The following TANC1 variants were observed in gnomAD, a reference collection of about 807,000 sequenced individuals.
TANC1 encodes tetratricopeptide repeat, ankyrin repeat and coiled-coil containing 1.
TANC1 carries 77 observed loss-of-function variants against 149.7 expected under a neutral mutation model. The observed-to-expected ratio is 0.51, with a 90% CI of 0.43 to 0.62. The LOEUF (loss-of-function observed/expected upper bound fraction) is 0.62, where lower values mean the gene tolerates loss of function less well. Ranked by LOEUF, TANC1 falls within the 20% of genes least tolerant of loss-of-function variation. The pLI is 0.00. For missense variants in TANC1, 1,985 were observed against 2,321.8 expected (o/e 0.85, Z 2.98); for synonymous variants, 854 against 925.0 (o/e 0.92, Z 1.39).
At chr2:159,016,574 A>ATTTTTTTTTTTTTT (rs199579067) in intron 2 of TANC1, among the ~76,000 whole-genome samples, 1 of 147,488 alleles carries the variant, frequency 6.8e-6, no homozygotes, top group Admixed American at 6.8e-5. Flanking sequence ...CTTGGTCAAA[A>ATTTTTTTTTTTTTT]TTTTTTGTTT....
Position 158,986,136 on chromosome 2 carries a change from C to CA in TANC1, c.-125-14942dup, listed in dbSNP as rs1481749103. 2.0e-5 allele frequency among the ~76,000 whole-genome samples: 3 copies of CA among 152,272 alleles called. No homozygotes were observed. In the South Asian group the frequency reaches 6.2e-4, roughly 32 times the overall value. On this transcript the variant is annotated intron_variant, in intron 1 of 26. Transcript: ENST00000263635. Reference sequence around the variant, plus strand: ...TGGGTTGGTCTGTTGGATCCTAGTGCAAGAGCTCAGTCCAAATCAGTGGCT... The same window carrying CA: ...TGGGTTGGTCTGTTGGATCCTAGTGCAAAGAGCTCAGTCCAAATCAGTGGCT...
rs58015346 is a variant in TANC1 at position 159,051,651 on chromosome 2, T to TTGTGTGTGTGTGTG, written c.-15-14219_-15-14206dup. ...ATTCAAAATTTAGTTGAAGTGGTGT[T>TTGTGTGTGTGTGTG]TGTGTGTGTGTGTGTGTGTGTGTGT... On this transcript the variant is annotated intron_variant, in intron 2 of 26. Coordinates refer to ENST00000263635, the MANE Select transcript of TANC1 (RefSeq NM_033394.3). Among the ~76,000 whole-genome samples, 209 of 142,962 alleles carry TTGTGTGTGTGTGTG rather than the reference T, an allele frequency of 1.5e-3. 1 individual carries two copies. The highest frequency in any genetic ancestry group is 1.5e-3 in the Non-Finnish European group (96 of 65,178). The allele number at this position is 142,962 out of a possible 152,430, so 93.8% of individuals were successfully genotyped here.
intron 5 of TANC1, among the ~76,000 whole-genome samples, chr2:159,141,824 A>G (rs72951440): frequency 0.028 from 4,267 of 152,308 alleles, 83 homozygotes; most frequent in Non-Finnish European, 0.046. Flanking sequence ...GAGGGACAGG[A>G]AAAGACCACA....
chr2:159,170,932 C>A, intron 10 of TANC1, 127 bp downstream of exon 10: 3 of 1,058,350 alleles, frequency 2.8e-6, no homozygotes, highest in Non-Finnish European at 2.7e-6. Flanking sequence ...GGTTTGCCAT[C>A]ATGTGTGAAG....
chr2:159,156,813 GTCC>G (rs1203241746), intron 7 of TANC1, among the ~76,000 whole-genome samples: 1 of 131,570 alleles, frequency 7.6e-6, no homozygotes, highest in Non-Finnish European at 1.6e-5. Flanking sequence ...TGTTATTTAA[GTCC>G]TTAGACTTGT....
At chr2:159,211,255 T>A (rs1478089626) in intron 19 of TANC1, among the ~76,000 whole-genome samples, 24 of 152,252 alleles carry the variant, frequency 1.6e-4, no homozygotes, top group Admixed American at 1.4e-3. Context: ...AGGTATGTGC[T>A]TTCATGGGAA....
intron 3 of TANC1, among the ~76,000 whole-genome samples, chr2:159,068,793 A>T (rs1229039148): frequency 6.6e-6 from 1 of 152,200 alleles, no homozygotes; most frequent in Non-Finnish European, 1.5e-5. Flanking sequence ...GCTGGAGTGC[A>T]GTTGTGCACC....
chr2:159,146,329 T>C (rs140927756), intron 5 of TANC1, among the ~76,000 whole-genome samples: 3 of 152,308 alleles, frequency 2.0e-5, no homozygotes, highest in East Asian at 1.9e-4. Flanking sequence ...GATGACATTT[T>C]AGAAGACAGA....
intron 14 of TANC1, among the ~76,000 whole-genome samples, chr2:159,185,077 A>C: frequency 6.6e-6 from 1 of 152,142 alleles, no homozygotes; most frequent in East Asian, 1.9e-4. Context: ...CCCCAACCAA[A>C]CAGCTCAAAG....
intron 3 of TANC1, among the ~76,000 whole-genome samples, chr2:159,078,392 T>C (rs2043909358): frequency 6.6e-6 from 1 of 152,256 alleles, no homozygotes; most frequent in Non-Finnish European, 1.5e-5. Flanking sequence ...GGCAAATGTG[T>C]GTCTTGTTTA....
At chr2:159,103,108 T>G (rs1238401127) in intron 4 of TANC1, among the ~76,000 whole-genome samples, 2 of 96,332 alleles carry the variant, frequency 2.1e-5, no homozygotes, top group African/African-American at 5.7e-5. Flanking sequence ...GAAATACATA[T>G]AACAAAATTG....
At chr2:159,106,026 A>G (rs1559269614) in intron 4 of TANC1, among the ~76,000 whole-genome samples, 1 of 151,504 alleles carries the variant, frequency 6.6e-6, no homozygotes, top group South Asian at 2.1e-4. Flanking sequence ...ACAGTGTTTT[A>G]TGACGCACAG....
intron 4 of TANC1, among the ~76,000 whole-genome samples, chr2:159,122,439 AT>A (rs1472602539): frequency 1.3e-5 from 2 of 152,158 alleles, no homozygotes; most frequent in East Asian, 3.8e-4. Context: ...TAAAAAAAAA[AT>A]TTAATGTGTT....
chr2:159,219,404 A>G, intron 21 of TANC1, 43 bp downstream of exon 21: 1 of 1,612,600 alleles, frequency 6.2e-7, no homozygotes, highest in East Asian at 2.2e-5. Context: ...GGACGGACAC[A>G]GAGAGAACTT....
chr2:158,993,882 G>A lies in TANC1; in HGVS notation c.-125-7198G>A, dbSNP rs376968490. ...ATTCCATAACAAATAGCATTTGAATGCCTTCTGTATGAATGTATGTTCTGA... is the reference window on the plus strand; with the variant it reads ...ATTCCATAACAAATAGCATTTGAATACCTTCTGTATGAATGTATGTTCTGA... On this transcript the variant is annotated intron_variant, in intron 1 of 26. Transcript: ENST00000263635. Among the ~76,000 whole-genome samples the A allele has an allele frequency of 1.2e-3, 181 of 152,314 alleles. 1 individual carries two copies. Among genetic ancestry groups the A allele is most frequent in the African/African-American group, 4.2e-3 (176 of 41,574 alleles).
At chr2:159,220,957 G>C (rs570009138) in intron 22 of TANC1, among the ~76,000 whole-genome samples, 20 of 152,350 alleles carry the variant, frequency 1.3e-4, no homozygotes, top group African/African-American at 4.6e-4. Context: ...TGTACACATT[G>C]TGGAATGATC....
chr2:158,973,172 C>T (rs185440230), intron 1 of TANC1, among the ~76,000 whole-genome samples: 65 of 152,204 alleles, frequency 4.3e-4, no homozygotes, highest in African/African-American at 1.5e-3. Flanking sequence ...CAGATTTTTT[C>T]GCTAACATGA....
chr2:159,166,548 A>G (rs17422049), intron 8 of TANC1, among the ~76,000 whole-genome samples: 4,398 of 152,310 alleles, frequency 0.029, 85 homozygotes, highest in Non-Finnish European at 0.046. Context: ...TTATTGTAGC[A>G]TGAAATTATT....
intron 2 of TANC1, among the ~76,000 whole-genome samples, chr2:159,059,390 A>G (rs1456553907): frequency 6.6e-6 from 1 of 151,986 alleles, no homozygotes; most frequent in Non-Finnish European, 1.5e-5. Context: ...AGTCCCAGCT[A>G]CTCTGGAGGC....
Sources: allele counts gnomAD v4.1 joint callset (sites outside exome capture counted in the v4.1 genomes callset), GRCh38; gene constraint gnomAD v4.1.1; transcripts MANE v1.5; gene names NCBI Gene and HGNC (gene_info 2026-07-23, HGNC 2026-07-21).